PARD3: variants seen among roughly 807,000 people sequenced by gnomAD.
PARD3 encodes the protein par-3 family cell polarity regulator, also known as partitioning defective 3 homolog.
In PARD3, 75 loss-of-function variants were observed where a neutral mutation model predicts 155.4. That is an observed-to-expected ratio of 0.48 (90% confidence interval 0.40 to 0.58). The LOEUF (loss-of-function observed/expected upper bound fraction) is 0.58. Among genes scored for constraint, PARD3 ranks in the 20% least tolerant of loss-of-function variants. The pLI is 0.00. For missense variants in PARD3, 1,642 were observed against 1,721.7 expected, an observed-to-expected ratio of 0.95 and a Z score of 0.82; for synonymous variants, 576 against 610.5, an observed-to-expected ratio of 0.94 and a Z score of 0.83.
chr10:34,360,037 TA>T (rs1839292914), intron 13 of PARD3, 33 bp downstream of exon 13: 1 of 1,535,332 alleles, frequency 6.5e-7, no homozygotes, highest in African/African-American at 1.4e-5. Flanking sequence ...AAATTTTTGT[TA>T]ATAGGCATAC....
chr10:34,313,835 C>G (rs939212798), intron 20 of PARD3, among the ~76,000 whole-genome samples: 8 of 152,082 alleles, frequency 5.3e-5, no homozygotes, highest in African/African-American at 1.9e-4. Context: ...TAAAGGAAAA[C>G]ATATTACTTC....
chr10:34,360,304 C>A (rs749323165), intron 12 of PARD3, 45 bp from the exon 13 acceptor site: 2 of 1,418,748 alleles, frequency 1.4e-6, no homozygotes, highest in Non-Finnish European at 2.0e-6. Context: ...TCCAATGTTT[C>A]TTTCTCAAAG....
Position 34,390,502 on chromosome 10 carries a change from TTC to T in PARD3, c.891-6250_891-6249del, listed in dbSNP as rs369602365. Among the ~76,000 whole-genome samples, 454 of 152,326 alleles carry T rather than the reference TTC, an allele frequency of 3.0e-3. 2 individuals are homozygous for T. Among genetic ancestry groups the T allele is most frequent in the African/African-American group, 0.01 (431 of 41,580 alleles). ...CCTTGCTAAATGATTTACATATATT[TTC>T]TTATTTAAACCATACAAAAGTCATG... On this transcript the variant is annotated intron_variant, in intron 7 of 24. Transcript: ENST00000374788.
At chr10:34,549,773 C>T (rs551269349) in intron 2 of PARD3, among the ~76,000 whole-genome samples, 1 of 152,150 alleles carries the variant, frequency 6.6e-6, no homozygotes, top group African/African-American at 2.4e-5. Flanking sequence ...ACTGTAAAGT[C>T]ACCATGTCTG....
intron 2 of PARD3, among the ~76,000 whole-genome samples, chr10:34,648,775 C>T (rs2092921432): frequency 2.6e-5 from 4 of 152,176 alleles, no homozygotes; most frequent in Non-Finnish European, 5.9e-5. Context: ...AACAATACTA[C>T]ACAATGTGAA....
At chr10:34,441,380 G>GT (rs753510169) in intron 5 of PARD3, among the ~76,000 whole-genome samples, 19 of 152,122 alleles carry the variant, frequency 1.2e-4, no homozygotes, top group Non-Finnish European at 2.2e-4. Flanking sequence ...TGCCAAATGG[G>GT]TATGATTTTC....
chr10:34,356,104 A>G (rs1207903620), intron 14 of PARD3, among the ~76,000 whole-genome samples: 1 of 152,126 alleles, frequency 6.6e-6, no homozygotes, highest in Non-Finnish European at 1.5e-5. Flanking sequence ...TTTGAGAATG[A>G]CATAGTGCCT....
chr10:34,294,041 A>G (rs1367216999), intron 20 of PARD3, among the ~76,000 whole-genome samples: 1 of 151,992 alleles, frequency 6.6e-6, no homozygotes, highest in Non-Finnish European at 1.5e-5. Context: ...TGAAGGAAGA[A>G]AAAGGAAAAG....
intron 2 of PARD3, among the ~76,000 whole-genome samples, chr10:34,576,373 A>G (rs190197736): frequency 6.8e-6 from 1 of 147,856 alleles, no homozygotes; most frequent in East Asian, 1.9e-4. Flanking sequence ...TTCACCTTTT[A>G]AAAGTTGTTA....
At chr10:34,630,513 A>G (rs1264375549) in intron 2 of PARD3, among the ~76,000 whole-genome samples, 3 of 150,934 alleles carry the variant, frequency 2.0e-5, no homozygotes, top group Admixed American at 6.6e-5. Context: ...CAGTGGCACA[A>G]TCTCAGCTCA....
At chr10:34,339,226 AT>A (rs1836531097) in intron 16 of PARD3, among the ~76,000 whole-genome samples, 3 of 152,172 alleles carry the variant, frequency 2.0e-5, no homozygotes, top group Non-Finnish European at 4.4e-5. Context: ...TTCTAGAATA[AT>A]TTAAAACTTC....
At position 34,623,852 on chromosome 10, in the gene PARD3, G is replaced by A. The variant is rs148076907; in HGVS notation, c.222+72466C>T. ...AAAAATTAGCCAAGCATGGTGGCGC[G>A]CACCTGTAGTCCCACCTACTTGGGA... On this transcript the variant is annotated intron_variant, in intron 2 of 24. Transcript: ENST00000374788. 5.3e-3 allele frequency among the ~76,000 whole-genome samples: 788 copies of A among 150,054 alleles called. 9 individuals carry two copies. The highest frequency in any genetic ancestry group is 0.018 in the African/African-American group (757 of 41,328).
intron 1 of PARD3, among the ~76,000 whole-genome samples, chr10:34,728,922 T>C (rs1212874711): frequency 6.6e-6 from 1 of 152,322 alleles, no homozygotes; most frequent in Non-Finnish European, 1.5e-5. Flanking sequence ...AAGATTGTAA[T>C]ACCGTATTTC....
chr10:34,382,677 A>G lies in PARD3; in HGVS notation c.1262T>C (p.Leu421Pro). 6.2e-7 allele frequency: 1 copy of G among 1,614,136 alleles called. No individual in the cohort carries two copies. The highest frequency in any genetic ancestry group is 8.5e-7 in the Non-Finnish European group (1 of 1,180,030). Reference protein sequence around the residue: ...PPEQIDSHSRLPHSAHPSGKP... With the variant: ...PPEQIDSHSRPPHSAHPSGKP... ...TCCCGAGGGGTGTGCGCTATGAGGT[A>G]GTCTTGAGTGAGAGTCTATCTGCTC... Residue 421 changes from leucine to proline, a missense_variant, in exon 9 of 25, where the codon CTA (leucine) becomes CCA (proline). Leu to Pro is a moderately conservative substitution (Grantham distance 98). This residue lies in a region of PARD3 where 1,529 missense variants were observed against 1,587.3 expected (regional missense o/e 0.96). Coordinates refer to ENST00000374788, the MANE Select transcript of PARD3 (RefSeq NM_001184785.2).
At chr10:34,315,135 T>A (rs375950069) in intron 20 of PARD3, among the ~76,000 whole-genome samples, 3 of 152,214 alleles carry the variant, frequency 2.0e-5, no homozygotes, top group East Asian at 3.8e-4. Context: ...AAGCTGGCTT[T>A]CATTATAGGT....
intron 21 of PARD3, among the ~76,000 whole-genome samples, chr10:34,280,970 C>A (rs1956128692): frequency 6.6e-6 from 1 of 152,146 alleles, no homozygotes; most frequent in African/African-American, 2.4e-5. Flanking sequence ...ACATTCTCTG[C>A]TGCTGAACAC....
chr10:34,637,998 C>G (rs943327563), intron 2 of PARD3, among the ~76,000 whole-genome samples: 3 of 152,158 alleles, frequency 2.0e-5, no homozygotes, highest in Non-Finnish European at 4.4e-5. Context: ...GACACACGGA[C>G]TGTGCACCCG....
intron 5 of PARD3, among the ~76,000 whole-genome samples, chr10:34,440,259 T>C (rs1219620993): frequency 6.6e-6 from 1 of 152,148 alleles, no homozygotes; most frequent in African/African-American, 2.4e-5. Context: ...TGCAATTTCA[T>C]AACCAGTATT....
At chr10:34,723,780 G>A (rs776511335) in intron 1 of PARD3, among the ~76,000 whole-genome samples, 1 of 152,188 alleles carries the variant, frequency 6.6e-6, no homozygotes, top group Non-Finnish European at 1.5e-5. Flanking sequence ...CGGCGATGCA[G>A]CGGAGGAACT....
Sources: allele counts gnomAD v4.1 joint callset (sites outside exome capture counted in the v4.1 genomes callset), GRCh38; gene constraint gnomAD v4.1.1; regional missense constraint gnomAD v4.1.1; transcripts MANE v1.5; gene names NCBI Gene and HGNC (gene_info 2026-07-23, HGNC 2026-07-21).